DNAJC24: variants seen among roughly 807,000 people sequenced by gnomAD.
DNAJC24 encodes the protein dnaJ homolog subfamily C member 24.
Under a neutral mutation model 18.0 loss-of-function variants are expected in DNAJC24, and 17 were observed. The observed-to-expected ratio is 0.94, with a 90% CI of 0.65 to 1.42. The LOEUF (loss-of-function observed/expected upper bound fraction) is 1.42. Ranked by LOEUF, DNAJC24 falls within the 40% of genes most tolerant of loss-of-function variation. The pLI, the probability that DNAJC24 is intolerant of heterozygous loss-of-function variation, is 0.00. For synonymous variants in DNAJC24, 55 were observed against 57.7 expected (o/e 0.95, Z 0.21); for missense variants, 158 against 175.6 (o/e 0.90, Z 0.57).
At position 31,431,875 on chromosome 11, in the gene DNAJC24, C is replaced by T. The variant is rs777531597; in HGVS notation, c.*1474C>T. 3 of 151,888 alleles carry T rather than the reference C, an allele frequency of 2.0e-5. No individual in the cohort carries two copies. The highest frequency in any genetic ancestry group is 4.4e-5 in the Non-Finnish European group (3 of 67,948). 9.4% of individuals were successfully genotyped at this position (151,888 alleles called of 1,614,324 possible). On this transcript the variant is annotated 3_prime_UTR_variant, in exon 5 of 5. Transcript: ENST00000465995. ...GTATTAATGCCTGTATTTATGAAGA[C>T]AGGGCCATTGCACTGCTGCTATGCT...
At chr11:31,383,042 T>A (rs1451513820) in intron 2 of DNAJC24, among the ~76,000 whole-genome samples, 1 of 152,154 alleles carries the variant, frequency 6.6e-6, no homozygotes, top group Non-Finnish European at 1.5e-5. Context: ...AAGAGATCCA[T>A]AGGGTGAGGT....
chr11:31,407,666 C>CAG (rs1952668034), intron 2 of DNAJC24: 1 of 110,766 alleles, frequency 9.0e-6, no homozygotes, highest in South Asian at 2.8e-4. Flanking sequence ...GCCCAGATGA[C>CAG]AGAGAGAGAT....
chr11:31,403,161 A>G (rs897281476), intron 2 of DNAJC24, among the ~76,000 whole-genome samples: 14 of 121,234 alleles, frequency 1.2e-4, no homozygotes, highest in Non-Finnish European at 2.3e-4. Context: ...GTGTGTGTGT[A>G]TCATTCTTCT....
At chr11:31,399,715 TTTTTTTTTTTTTAACTGTTTTTTC>T in intron 2 of DNAJC24, among the ~76,000 whole-genome samples, 1 of 54,388 alleles carries the variant, frequency 1.8e-5, no homozygotes, top group East Asian at 2.3e-4. Context: ...CCCAGCCTCT[TTTTTTTTTTTTTAACTGTTTTTTC>T]TTTTTTTTTT....
intron 2 of DNAJC24, among the ~76,000 whole-genome samples, chr11:31,399,554 C>T (rs761730614): frequency 6.6e-6 from 1 of 151,552 alleles, no homozygotes; most frequent in Non-Finnish European, 1.5e-5. Context: ...GCTGGGAGTA[C>T]AGGCGCACGC....
chr11:31,388,158 T>A (rs975052681), intron 2 of DNAJC24, among the ~76,000 whole-genome samples: 9 of 151,980 alleles, frequency 5.9e-5, no homozygotes, highest in Non-Finnish European at 1.3e-4. Context: ...GTTATTAAAC[T>A]TAAAGTGGAG....
At position 31,430,416 on chromosome 11, in the gene DNAJC24, T is replaced by C; in HGVS notation, c.*15T>C. 6.2e-7 allele frequency: 1 copy of C among 1,600,652 alleles called. No homozygotes were observed. On this transcript the variant is annotated 3_prime_UTR_variant, in exon 5 of 5. Transcript: ENST00000465995. ...ATTATAACTAAAATTGTTCACAACT[T>C]GAAATGCTTTAACTGTGGTATTGAG...
intron 4 of DNAJC24, chr11:31,426,591 G>C (rs1316307236): frequency 2.8e-6 from 1 of 358,360 alleles, no homozygotes; most frequent in African/African-American, 2.1e-5. Flanking sequence ...TTAGATGTTA[G>C]GAACATAAAG....
intron 2 of DNAJC24, among the ~76,000 whole-genome samples, chr11:31,403,125 ATGTG>A (rs3979423): frequency 0.037 from 5,453 of 146,534 alleles, 201 homozygotes; most frequent in African/African-American, 0.1. Context: ...GCATATATGC[ATGTG>A]TGTGTGTGTG....
intron 3 of DNAJC24, among the ~76,000 whole-genome samples, chr11:31,425,797 A>G (rs1357883935): frequency 6.6e-6 from 1 of 152,210 alleles, no homozygotes; most frequent in South Asian, 2.1e-4. Context: ...CCTGAAGCAG[A>G]TAAGAAGAGA....
At chr11:31,372,738 A>T (rs1302446892) in intron 2 of DNAJC24, among the ~76,000 whole-genome samples, 1 of 135,698 alleles carries the variant, frequency 7.4e-6, no homozygotes, top group African/African-American at 2.5e-5. Context: ...CCAATATTTG[A>T]TGTTATTGGT....
rs553932330 is a variant in DNAJC24 at position 31,432,267 on chromosome 11, C to G, written c.*1866C>G. 2 of 451,924 alleles carry G rather than the reference C, an allele frequency of 4.4e-6. No individual in the cohort carries two copies. The highest frequency in any genetic ancestry group is 4.0e-5 in the African/African-American group (2 of 50,012). 28.0% of individuals were successfully genotyped at this position (451,924 alleles called of 1,614,324 possible). A position where few individuals can be genotyped will look rare whatever the true frequency, so the allele number is the denominator to read the frequency against. Reference sequence around the variant, plus strand: ...AGGTAGTCATCCAGGTTCCCCCTCCCACAATATTTTTGTATCATAAAATTT... The same window carrying G: ...AGGTAGTCATCCAGGTTCCCCCTCCGACAATATTTTTGTATCATAAAATTT... On this transcript the variant is annotated 3_prime_UTR_variant, in exon 5 of 5. Transcript: ENST00000465995.
At chr11:31,371,516 GT>G (rs1353454659) in intron 2 of DNAJC24, among the ~76,000 whole-genome samples, 1 of 151,742 alleles carries the variant, frequency 6.6e-6, no homozygotes. Context: ...ACTGTCCACT[GT>G]TTCTACTATA....
intron 2 of DNAJC24, among the ~76,000 whole-genome samples, chr11:31,387,692 T>G (rs1017378761): frequency 2.0e-5 from 3 of 152,140 alleles, no homozygotes; most frequent in African/African-American, 7.2e-5. Context: ...TTCCTAATTC[T>G]TCAATGCCCA....
chr11:31,379,850 C>T (rs558022539), intron 2 of DNAJC24, among the ~76,000 whole-genome samples: 8 of 152,158 alleles, frequency 5.3e-5, no homozygotes, highest in African/African-American at 1.4e-4. Flanking sequence ...CTCCACTTCC[C>T]AGGTTCAAGC....
In DNAJC24 at chr11:31,431,166, C is replaced by A. The variant is rs1952919475; in HGVS notation, c.*765C>A. 6.6e-6 allele frequency: 1 copy of A among 152,078 alleles called. No individual in the cohort carries two copies. The highest frequency in any genetic ancestry group is 2.1e-4 in the South Asian group (1 of 4,820). 9.4% of individuals were successfully genotyped at this position (152,078 alleles called of 1,614,324 possible). On this transcript the variant is annotated 3_prime_UTR_variant, in exon 5 of 5. Transcript: ENST00000465995. ...TCCCGAATAGCTGGGATTACACGTG[C>A]CCACCACCATGCCCAGCTAATTTTT...
At chr11:31,376,599 C>G (rs987670588) in intron 2 of DNAJC24, among the ~76,000 whole-genome samples, 28 of 152,156 alleles carry the variant, frequency 1.8e-4, no homozygotes, top group African/African-American at 6.8e-4. Flanking sequence ...GGCTTACTTA[C>G]AGTTAAGTGG....
At chr11:31,378,134 A>G (rs1052272456) in intron 2 of DNAJC24, among the ~76,000 whole-genome samples, 2 of 152,152 alleles carry the variant, frequency 1.3e-5, no homozygotes, top group Non-Finnish European at 2.9e-5. Context: ...TCTTTTGAGT[A>G]CATTACAAAG....
At chr11:31,380,167 C>T (rs775168386) in intron 2 of DNAJC24, among the ~76,000 whole-genome samples, 15 of 152,174 alleles carry the variant, frequency 9.9e-5, no homozygotes, top group Non-Finnish European at 2.1e-4. Context: ...ATATTTATCA[C>T]ATAGTCTAGC....
Sources: allele counts gnomAD v4.1 joint callset (sites outside exome capture counted in the v4.1 genomes callset), GRCh38; gene constraint gnomAD v4.1.1; transcripts MANE v1.5; gene names NCBI Gene and HGNC (gene_info 2026-07-23, HGNC 2026-07-21).